SPOCK3: variants seen among roughly 807,000 people sequenced by gnomAD.
SPOCK3 encodes testican-3.
Under a neutral mutation model 56.6 loss-of-function variants are expected in SPOCK3, and 30 were observed. The observed-to-expected ratio is 0.53, with a 90% CI of 0.40 to 0.72. The LOEUF (loss-of-function observed/expected upper bound fraction) is 0.72, where lower values mean the gene tolerates loss of function less well. Ranked by LOEUF, SPOCK3 falls within the 30% of genes least tolerant of loss-of-function variation. SPOCK3 has a pLI of 0.00. For synonymous variants in SPOCK3, 196 were observed against 183.3 expected (o/e 1.07, Z -0.56); for missense variants, 527 against 530.0 (o/e 0.99, Z 0.06).
At chr4:167,113,824 G>A (rs1761113532) in intron 2 of SPOCK3, among the ~76,000 whole-genome samples, 1 of 151,984 alleles carries the variant, frequency 6.6e-6, no homozygotes, top group African/African-American at 2.4e-5. Context: ...ATGAAGAGAG[G>A]GAATGAATGT....
chr4:166,991,343 ATATTTATTTATTTATT>A (rs5863850), intron 4 of SPOCK3, among the ~76,000 whole-genome samples: 6 of 142,908 alleles, frequency 4.2e-5, no homozygotes, highest in African/African-American at 5.1e-5. Context: ...TTTTGTTTTT[ATATTTATTTATTTATT>A]TATTTATTTA....
chr4:167,134,022 C>CTTTTTTTTTTTTTTTTT (rs34410893), intron 2 of SPOCK3, among the ~76,000 whole-genome samples: 1 of 80,560 alleles, frequency 1.2e-5, no homozygotes, highest in Non-Finnish European at 2.3e-5. Flanking sequence ...ACACCTTTTT[C>CTTTTTTTTTTTTTTTTT]TTTTTTTTTT....
chr4:167,205,515 ATATT>A (rs1734165257), intron 2 of SPOCK3, among the ~76,000 whole-genome samples: 1 of 58,640 alleles, frequency 1.7e-5, no homozygotes, highest in Non-Finnish European at 2.8e-5. Context: ...TATATAATAT[ATATT>A]ATATATATTA....
At chr4:166,877,169 CTAGT>C (rs1733185919) in intron 6 of SPOCK3, among the ~76,000 whole-genome samples, 1 of 152,032 alleles carries the variant, frequency 6.6e-6, no homozygotes, top group South Asian at 2.1e-4. Context: ...TTGATTTGTA[CTAGT>C]TAGTATTTTA....
chr4:167,202,101 T>A (rs1733571237), intron 2 of SPOCK3, among the ~76,000 whole-genome samples: 1 of 151,958 alleles, frequency 6.6e-6, no homozygotes, highest in Non-Finnish European at 1.5e-5. Context: ...TTTTATAATT[T>A]TAAAACCACT....
chr4:167,016,497 G>T (rs1297793326), intron 3 of SPOCK3, among the ~76,000 whole-genome samples: 1 of 151,550 alleles, frequency 6.6e-6, no homozygotes, highest in Non-Finnish European at 1.5e-5. Flanking sequence ...TCCCCATGAA[G>T]AAAGCTGGAT....
At chr4:167,165,157 A>G in intron 2 of SPOCK3, among the ~76,000 whole-genome samples, 1 of 152,148 alleles carries the variant, frequency 6.6e-6, no homozygotes, top group Non-Finnish European at 1.5e-5. Context: ...ATGGGCAAAG[A>G]CTTCATGACT....
intron 4 of SPOCK3, among the ~76,000 whole-genome samples, chr4:166,982,553 G>T (rs984163093): frequency 2.6e-5 from 4 of 151,888 alleles, no homozygotes; most frequent in Non-Finnish European, 5.9e-5. Context: ...CTCCGTCTCA[G>T]AAATAAATAA....
chr4:166,877,777 A>G (rs1733249207), intron 6 of SPOCK3, among the ~76,000 whole-genome samples: 1 of 152,184 alleles, frequency 6.6e-6, no homozygotes. Context: ...ATTACAAGTG[A>G]TTTTACATTT....
intron 6 of SPOCK3, among the ~76,000 whole-genome samples, chr4:166,840,668 T>C (rs980830207): frequency 2.0e-5 from 3 of 151,792 alleles, no homozygotes; most frequent in Admixed American, 6.6e-5. Context: ...TCTCCCTACA[T>C]TTCAGACTCA....
At chr4:167,214,994 A>G (rs1735223829) in intron 2 of SPOCK3, among the ~76,000 whole-genome samples, 1 of 150,856 alleles carries the variant, frequency 6.6e-6, no homozygotes, top group African/African-American at 2.4e-5. Flanking sequence ...ATATATATTT[A>G]CTATATATAT....
At chr4:167,071,034 A>T (rs991037504) in intron 2 of SPOCK3, among the ~76,000 whole-genome samples, 1 of 151,962 alleles carries the variant, frequency 6.6e-6, no homozygotes, top group African/African-American at 2.4e-5. Flanking sequence ...AAAAACATAA[A>T]TAAAATAAAT....
intron 3 of SPOCK3, among the ~76,000 whole-genome samples, chr4:167,004,277 A>T (rs575097469): frequency 6.6e-6 from 1 of 152,320 alleles, no homozygotes; most frequent in East Asian, 1.9e-4. Context: ...TTTTACAAGA[A>T]TATAGGACCC....
At chr4:167,062,005 G>C (rs944703685) in intron 3 of SPOCK3, among the ~76,000 whole-genome samples, 12 of 151,910 alleles carry the variant, frequency 7.9e-5, no homozygotes, top group Admixed American at 6.6e-4. Context: ...TTTGAAAGGA[G>C]GTGGGGAAGC....
intron 2 of SPOCK3, among the ~76,000 whole-genome samples, chr4:167,206,805 A>G (rs1734383868): frequency 6.6e-6 from 1 of 152,004 alleles, no homozygotes; most frequent in Admixed American, 6.6e-5. Flanking sequence ...GAAAATTATC[A>G]AAACTAAATG....
rs1355164900 is a variant in SPOCK3, at chr4:166,950,443, G to T, written c.351-37700C>A. Among the ~76,000 whole-genome samples, 4 of 151,836 alleles carry T rather than the reference G, an allele frequency of 2.6e-5. No homozygotes were observed. The East Asian group carries it at 7.7e-4, about 29-fold the overall frequency. ...GCACCAGATTCATAAAGCAAGTCCT[G>T]AGTGACCTACAAAGAGACTTAGACT... On this transcript the variant is annotated intron_variant, in intron 4 of 10. Transcript: ENST00000357545.
At chr4:167,019,267 A>C (rs1236459960) in intron 3 of SPOCK3, among the ~76,000 whole-genome samples, 2 of 152,032 alleles carry the variant, frequency 1.3e-5, no homozygotes, top group East Asian at 3.9e-4. Context: ...GTGGCCTTTG[A>C]GGCTTCTAAA....
intron 6 of SPOCK3, among the ~76,000 whole-genome samples, chr4:166,793,923 C>A (rs185325088): frequency 6.6e-6 from 1 of 151,948 alleles, no homozygotes; most frequent in Non-Finnish European, 1.5e-5. Context: ...ATGTGATACA[C>A]CAGAGATTAA....
chr4:167,043,727 G>A (rs1753440497), intron 3 of SPOCK3, among the ~76,000 whole-genome samples: 1 of 151,534 alleles, frequency 6.6e-6, no homozygotes, highest in Admixed American at 6.6e-5. Context: ...TATTCTTAAT[G>A]TGTTGGGATA....
Sources: gnomAD v4.1 joint callset for allele counts (sites outside exome capture counted in the v4.1 genomes callset) on GRCh38, gnomAD v4.1.1 for gene constraint, MANE v1.5 for transcripts, NCBI Gene and HGNC (gene_info 2026-07-23, HGNC 2026-07-21) for gene names.